HSD17B14: variants seen among roughly 807,000 people sequenced by gnomAD.
HSD17B14 encodes the protein hydroxysteroid 17-beta dehydrogenase 14.
In HSD17B14, 32 loss-of-function variants were observed where a neutral mutation model predicts 32.2. That is an observed-to-expected ratio of 0.99 (90% confidence interval 0.75 to 1.33). The LOEUF (loss-of-function observed/expected upper bound fraction) is 1.33. Ranked by LOEUF, HSD17B14 falls within the 40% of genes most tolerant of loss-of-function variation. The pLI is 0.00. For missense variants in HSD17B14, 370 were observed against 366.5 expected, an observed-to-expected ratio of 1.01 and a Z score of -0.08; for synonymous variants, 140 against 155.4, an observed-to-expected ratio of 0.90 and a Z score of 0.74.
chr19:48,814,193 TA>T (rs1555775573), intron 6 of HSD17B14, among the ~76,000 whole-genome samples: 31 of 82,600 alleles, frequency 3.8e-4, no homozygotes, highest in Admixed American at 6.3e-4. Context: ...AGACCCTATC[TA>T]AAAAAAAAAA....
intron 5 of HSD17B14, among the ~76,000 whole-genome samples, chr19:48,825,128 T>C (rs1688267): frequency 0.33 from 49,466 of 151,218 alleles, 8,212 homozygotes; most frequent in East Asian, 0.38. Context: ...GTCCCAGCTA[T>C]TTGGGAGGGT....
chr19:48,829,382 C>T (rs1340743232), intron 5 of HSD17B14, among the ~76,000 whole-genome samples: 1 of 151,160 alleles, frequency 6.6e-6, no homozygotes, highest in Non-Finnish European at 1.5e-5. Flanking sequence ...GAAAGAGTTT[C>T]ACTCTGTCAC....
At position 48,832,757 on chromosome 19, in the gene HSD17B14, G is replaced by GA. The variant is rs1555777667; in HGVS notation, c.211-26_211-25insT. On this transcript the variant is annotated intron_variant, in intron 3 of 8. Transcript: ENST00000263278. ...TCTGAGGAGAAAGGAAATGTCCTTT[G>GA]TTTTTTTTTTTTGGAGACGGTGTCT... 2.2e-5 allele frequency: 31 copies of GA among 1,413,922 alleles called. No individual in the cohort carries two copies. The African/African-American group carries it at 3.3e-4, about 15-fold the overall frequency. The allele number at this position is 1,413,922 out of a possible 1,614,324, so 87.6% of individuals were successfully genotyped here. A position where few individuals can be genotyped will look rare whatever the true frequency, so the allele number is the denominator to read the frequency against.
rs1057436253 is a variant in HSD17B14, at chr19:48,815,479, G to A, written c.370-338C>T. On this transcript the variant is annotated intron_variant, in intron 5 of 8. Transcript: ENST00000263278. The stretch of plus-strand genomic sequence containing the variant: ...CCTGTCCATATCAAGACAGGAAAAT[G>A]GATGAGAGATCCAGAAGGCTGCATA... Among the ~76,000 whole-genome samples, 3 of 152,068 alleles carry A rather than the reference G, an allele frequency of 2.0e-5. No homozygotes were observed. In the South Asian group the frequency reaches 6.2e-4, roughly 32 times the overall value.
intron 4 of HSD17B14, among the ~76,000 whole-genome samples, 155 bp from the exon 5 acceptor site, chr19:48,831,914 C>T (rs904858379): frequency 6.6e-5 from 10 of 150,890 alleles, no homozygotes; most frequent in African/African-American, 2.2e-4. Flanking sequence ...CCTGTCTCTA[C>T]GAAAAATACA....
chr19:48,823,502 T>G (rs2035193038), intron 5 of HSD17B14, among the ~76,000 whole-genome samples: 1 of 152,126 alleles, frequency 6.6e-6, no homozygotes, highest in Non-Finnish European at 1.5e-5. Flanking sequence ...TACTTTATAA[T>G]ACTTTGACAA....
intron 5 of HSD17B14, among the ~76,000 whole-genome samples, chr19:48,816,823 C>CTTTCTTTCTTTCTTTCTTTCTTTCT (rs776466547): frequency 8.1e-4 from 41 of 50,772 alleles, no homozygotes; most frequent in African/African-American, 3.1e-3. Flanking sequence ...TTCTTTCTTT[C>CTTTCTTTCTTTCTTTCTTTCTTTCT]TTTTCTTTCT....
At position 48,834,524 on chromosome 19, in the gene HSD17B14, TG is replaced by T. The variant is rs1230930514; in HGVS notation, c.128-167del. 4.9e-3 allele frequency among the ~76,000 whole-genome samples: 439 copies of T among 89,784 alleles called. 1 individual carries two copies. Among genetic ancestry groups the T allele is most frequent in the South Asian group, 0.011 (23 of 2,142 alleles). 58.9% of individuals were successfully genotyped at this position (89,784 alleles called of 152,430 possible). ...CTCCTGGGTCTGAGGAAGTAGGGCCTGGGGGCCTGGACTCCTGGGTCTGAGG... is the reference window on the plus strand; with the variant it reads ...CTCCTGGGTCTGAGGAAGTAGGGCCTGGGGCCTGGACTCCTGGGTCTGAGG... On this transcript the variant is annotated intron_variant, in intron 2 of 8. Transcript: ENST00000263278.
chr19:48,828,334 A>G (rs662512), intron 5 of HSD17B14, among the ~76,000 whole-genome samples: 11,709 of 152,200 alleles, frequency 0.077, 1,277 homozygotes, highest in African/African-American at 0.24. Flanking sequence ...TCTAGAGTCC[A>G]GAAACCAAGT....
chr19:48,828,996 G>C (rs990615497), intron 5 of HSD17B14, among the ~76,000 whole-genome samples: 2 of 151,900 alleles, frequency 1.3e-5, no homozygotes, highest in African/African-American at 4.8e-5. Context: ...GGGAGGCAGA[G>C]GTTGCAGTGA....
At chr19:48,835,297 A>G (rs865793369) in intron 2 of HSD17B14, among the ~76,000 whole-genome samples, 3 of 14,302 alleles carry the variant, frequency 2.1e-4, no homozygotes, top group Non-Finnish European at 3.3e-4. Context: ...GGAGGAGGGG[A>G]TGGGGGCCTG....
At chr19:48,832,397 GAA>G (rs1476000444) in intron 4 of HSD17B14, among the ~76,000 whole-genome samples, 2 of 151,858 alleles carry the variant, frequency 1.3e-5, no homozygotes, top group East Asian at 3.8e-4. Context: ...AGAAAAGAAA[GAA>G]GAGAAGAGAA....
chr19:48,836,423 C>G lies in HSD17B14; in HGVS notation c.-12G>C. On this transcript the variant is annotated 5_prime_UTR_variant, in exon 1 of 9. Coordinates refer to ENST00000263278, the MANE Select transcript of HSD17B14 (RefSeq NM_016246.3). ...GTTCCCGTAGCCATCCCGTGTACGT[C>G]GGTCTCTCTCTCTCTCTACTCTGGG... 6.2e-7 allele frequency: 1 copy of G among 1,611,564 alleles called. No homozygotes were observed. The highest frequency in any genetic ancestry group is 8.5e-7 in the Non-Finnish European group (1 of 1,179,748).
chr19:48,816,070 T>C (rs1246143752), intron 5 of HSD17B14, among the ~76,000 whole-genome samples: 1 of 151,234 alleles, frequency 6.6e-6, no homozygotes, highest in Non-Finnish European at 1.5e-5. Flanking sequence ...TGCCACCGTT[T>C]CTCCTGCAAT....
At chr19:48,814,741 G>A (rs1002017154) in intron 6 of HSD17B14, among the ~76,000 whole-genome samples, 1 of 151,724 alleles carries the variant, frequency 6.6e-6, no homozygotes, top group Non-Finnish European at 1.5e-5. Context: ...CTACTCGGGA[G>A]GCTGAGTCAG....
rs1203740981 is a variant in HSD17B14 at position 48,836,255 on chromosome 19, C to T, written c.88+69G>A. ...GCAGTACTGGAGTCCCTATTTTCCG[C>T]CCCCATCACCCCGCCCCCATCCTTC... On this transcript the variant is annotated intron_variant, in intron 1 of 8. Transcript: ENST00000263278. The T allele has an allele frequency of 3.6e-6, 5 of 1,372,828 alleles. No homozygotes were observed. The African/African-American group carries it at 5.8e-5, about 16-fold the overall frequency. The allele number at this position is 1,372,828 out of a possible 1,614,324, so 85.0% of individuals were successfully genotyped here.
chr19:48,829,996 TCTCA>T (rs2035310819), intron 5 of HSD17B14, among the ~76,000 whole-genome samples: 1 of 151,612 alleles, frequency 6.6e-6, no homozygotes, highest in Non-Finnish European at 1.5e-5. Flanking sequence ...TGAGACAAGG[TCTCA>T]CTCTGTCACC....
intron 6 of HSD17B14, among the ~76,000 whole-genome samples, chr19:48,814,068 G>A (rs1446213049): frequency 6.6e-6 from 1 of 151,972 alleles, no homozygotes; most frequent in Admixed American, 6.6e-5. Flanking sequence ...GGTGGTGCAC[G>A]CCTGTAATCC....
intron 4 of HSD17B14, among the ~76,000 whole-genome samples, chr19:48,832,435 A>G (rs2035355051): frequency 6.6e-6 from 1 of 152,010 alleles, no homozygotes; most frequent in Non-Finnish European, 1.5e-5. Context: ...AAGAAGAGAG[A>G]CATGGCCAAG....
Sources: gnomAD v4.1 joint callset for allele counts (sites outside exome capture counted in the v4.1 genomes callset) on GRCh38, gnomAD v4.1.1 for gene constraint, MANE v1.5 for transcripts, NCBI Gene and HGNC (gene_info 2026-07-23, HGNC 2026-07-21) for gene names.